The following CELSR2 variants were observed in gnomAD, a reference collection of about 807,000 sequenced individuals.
CELSR2 encodes the protein cadherin EGF LAG seven-pass G-type receptor 2, also known as EGF-like protein 2.
CELSR2 carries 81 observed loss-of-function variants against 251.6 expected under a neutral mutation model. The observed-to-expected ratio is 0.32, with a 90% CI of 0.27 to 0.39. The LOEUF (loss-of-function observed/expected upper bound fraction) is 0.39, where lower values mean the gene tolerates loss of function less well. Among genes scored for constraint, CELSR2 ranks in the 10% least tolerant of loss-of-function variants. CELSR2 has a pLI of 1.00. For missense variants in CELSR2, 3,365 were observed against 3,947.7 expected (o/e 0.85, Z 3.96); for synonymous variants, 1,721 against 1,670.5 (o/e 1.03, Z -0.74).
rs752380520 is a variant in CELSR2 at position 109,267,952 on chromosome 1, C to T, written c.6210C>T (p.Phe2070=). Reference sequence around the variant, plus strand: ...CCACGCAGCACACAGCTGGCTACTTCGGCAGCGACGTCAAGGTGGCCTACC... The same window carrying T: ...CCACGCAGCACACAGCTGGCTACTTTGGCAGCGACGTCAAGGTGGCCTACC... ...RNATQHTAGY[F]GSDVKVAYQL... The change falls in exon 17 of 34, where the codon TTC becomes TTT. Residue 2070 remains phenylalanine (F), a synonymous_variant. Coordinates refer to ENST00000271332, the MANE Select transcript of CELSR2 (RefSeq NM_001408.3). The T allele has an allele frequency of 2.2e-5, 36 of 1,611,606 alleles. No homozygotes were observed. In the Admixed American group the frequency reaches 2.5e-4, roughly 11 times the overall value.
chr1:109,259,611 C>T (rs591789), intron 2 of CELSR2, among the ~76,000 whole-genome samples: 15,124 of 152,116 alleles, frequency 0.099, 872 homozygotes, highest in African/African-American at 0.12. Context: ...CTGGTCTCTC[C>T]CCCACTGAGC....
In CELSR2 at chr1:109,274,058, C is replaced by T. The variant is rs367660647; in HGVS notation, c.*9C>T. On this transcript the variant is annotated 3_prime_UTR_variant, in exon 34 of 34. Coordinates refer to ENST00000271332, the MANE Select transcript of CELSR2 (RefSeq NM_001408.3). The stretch of plus-strand genomic sequence containing the variant: ...TTAACTTCCTGCATTAACCCTGGGC[C>T]GTGGTTCCTACGCCCGAGGCTCCCT... The T allele has an allele frequency of 4.1e-5, 66 of 1,613,978 alleles. No homozygotes were observed. The highest frequency in any genetic ancestry group is 9.9e-5 in the South Asian group (9 of 91,084).
chr1:109,263,561 G>C lies in CELSR2; in HGVS notation c.4835-50G>C, dbSNP rs551482607. ...CCACCGCTGAGCATCACAGCCCCAG[G>C]GCCCTCTGAGGCTCCACCCGTCACA... is the stretch of plus-strand genomic sequence containing the variant. On this transcript the variant is annotated intron_variant, in intron 8 of 33. Coordinates refer to ENST00000271332, the MANE Select transcript of CELSR2 (RefSeq NM_001408.3). 1.3e-5 allele frequency: 20 copies of C among 1,597,866 alleles called. No homozygotes were observed. In the East Asian group the frequency reaches 1.6e-4, roughly 12 times the overall value.
rs374947370 is a variant in CELSR2 at position 109,272,260 on chromosome 1, T to A, written c.7927-18T>A. ...CCATCCCACTCCCCACTTACTGACC[T>A]CTCTGTTCCCTGCCTAGTCCTACAA... On this transcript the variant is annotated intron_variant, in intron 28 of 33. Transcript: ENST00000271332. The A allele has an allele frequency of 8.2e-5, 128 of 1,561,004 alleles. No individual in the cohort carries two copies. The highest frequency in any genetic ancestry group is 1.1e-4 in the Non-Finnish European group (124 of 1,149,820).
In CELSR2 at chr1:109,258,977, G is replaced by A. The variant is rs768192595; in HGVS notation, c.3856G>A (p.Glu1286Lys). 4 of 1,609,642 alleles carry A rather than the reference G, an allele frequency of 2.5e-6. No homozygotes were observed. The highest frequency in any genetic ancestry group is 1.1e-5 in the South Asian group (1 of 91,010). Reference protein sequence around the residue: ...CPPGFTGDYCETEVDLCYSRP... With the variant: ...CPPGFTGDYCKTEVDLCYSRP... ...GCCCGGCTTCACGGGTGACTACTGCGAGACCGAGGTGGACCTCTGCTACTC... is the reference window on the plus strand; with the variant it reads ...GCCCGGCTTCACGGGTGACTACTGCAAGACCGAGGTGGACCTCTGCTACTC... The change falls in exon 2 of 34, where the codon GAG becomes AAG. Residue 1286 changes from glutamate (E) to lysine (K), a missense_variant. Transcript: ENST00000271332.
chr1:109,264,050 A>C, intron 9 of CELSR2, 28 bp from the exon 10 acceptor site: 1 of 1,547,654 alleles, frequency 6.5e-7, no homozygotes, highest in Non-Finnish European at 8.7e-7. Context: ...CCGTCTGCTG[A>C]CCCTGTTTTC....
rs35994599 is a variant in CELSR2, at chr1:109,266,559, A to ATTT, written c.6013+376_6013+378dup. 553 of 83,692 alleles carry ATTT rather than the reference A, an allele frequency of 6.6e-3. 19 individuals are homozygous for ATTT. Among genetic ancestry groups the ATTT allele is most frequent in the African/African-American group, 0.017 (306 of 17,828 alleles). 5.2% of individuals were successfully genotyped at this position (83,692 alleles called of 1,614,324 possible). A position where few individuals can be genotyped will look rare whatever the true frequency, so the allele number is the denominator to read the frequency against. ...CTCTGGCCGCCACCACACCTGGCTA[A>ATTT]TTTTTTTTTTTTTTTTTTTTTTTTT... On this transcript the variant is annotated intron_variant, in intron 15 of 33. Coordinates refer to ENST00000271332, the MANE Select transcript of CELSR2 (RefSeq NM_001408.3).
At position 109,272,272 on chromosome 1, in the gene CELSR2, G is replaced by C; in HGVS notation, c.7927-6G>C. On this transcript the variant is annotated splice_polypyrimidine_tract_variant and splice_region_variant and intron_variant, in intron 28 of 33. Coordinates refer to ENST00000271332, the MANE Select transcript of CELSR2 (RefSeq NM_001408.3). ...CCACTTACTGACCTCTCTGTTCCCT[G>C]CCTAGTCCTACAACTGCCCCAGCCC... 6.3e-7 allele frequency: 1 copy of C among 1,580,624 alleles called. No homozygotes were observed. The highest frequency in any genetic ancestry group is 1.1e-5 in the South Asian group (1 of 87,306).
rs748509981 is a variant in CELSR2 at position 109,251,722 on chromosome 1, G to A, written c.1643G>A (p.Gly548Glu). The A allele has an allele frequency of 6.2e-7, 1 of 1,613,952 alleles. No individual in the cohort carries two copies. The highest frequency in any genetic ancestry group is 1.7e-5 in the Admixed American group (1 of 59,984). ...ARLEYRLAGVGHDFPFTINNG... is the reference protein window; with the variant it reads ...ARLEYRLAGVEHDFPFTINNG... ...CTGGAATACCGCCTTGCTGGGGTGG[G>A]ACATGACTTCCCCTTCACCATCAAC... Residue 548 changes from glycine to glutamate, a missense_variant, in exon 1 of 34, where the codon GGA (glycine) becomes GAA (glutamate). Gly to Glu is a moderately conservative substitution (Grantham distance 98). Around this residue, in one of 5 missense-constraint regions of CELSR2, gnomAD observed 704 missense variants for 784.1 expected, o/e 0.90. Coordinates refer to ENST00000271332, the MANE Select transcript of CELSR2 (RefSeq NM_001408.3). This position sits in a 1 kb window ranked among gnomAD's most constrained non-coding sequence, Gnocchi z 4.9.
chr1:109,262,713 A>G, intron 6 of CELSR2, 93 bp from the exon 7 acceptor site: 1 of 1,556,106 alleles, frequency 6.4e-7, no homozygotes, highest in Non-Finnish European at 8.7e-7. Context: ...ACACCTGCCT[A>G]CGCCGTTCGT....
chr1:109,249,551 C>T lies in CELSR2; in HGVS notation c.-529C>T, dbSNP rs549825851. On this transcript the variant is annotated 5_prime_UTR_variant, in exon 1 of 34. Coordinates refer to ENST00000271332, the MANE Select transcript of CELSR2 (RefSeq NM_001408.3). Reference sequence around the variant, plus strand: ...CCGCCGCGACTCTGCAGAGCTCGCCCGCCCGCCGGGGAGGCGAGGGAGCGC... The same window carrying T: ...CCGCCGCGACTCTGCAGAGCTCGCCTGCCCGCCGGGGAGGCGAGGGAGCGC... 3.3e-5 allele frequency among the ~76,000 whole-genome samples: 5 copies of T among 150,620 alleles called. No individual in the cohort carries two copies. The East Asian group carries it at 9.9e-4, about 30-fold the overall frequency.
At position 109,251,342 on chromosome 1, in the gene CELSR2, C is replaced by G. The variant is rs1321240882; in HGVS notation, c.1263C>G (p.Val421=). The G allele has an allele frequency of 6.2e-7, 1 of 1,614,134 alleles. No individual in the cohort carries two copies. Among genetic ancestry groups the G allele is most frequent in the Non-Finnish European group, 8.5e-7 (1 of 1,180,030 alleles). ...CTCCAGGGGCCCCAGTACTCCGAGT[C>G]ACAGCCTCGGATCGAGACAAGGGGA... ...DVTPGAPVLR[V]TASDRDKGSN... Residue 421 remains valine (V), a synonymous_variant, in exon 1 of 34, where the codon GTC becomes GTG. Transcript: ENST00000271332. This position sits in a 1 kb window ranked among gnomAD's most constrained non-coding sequence, Gnocchi z 4.9.
chr1:109,271,033 C>G lies in CELSR2; in HGVS notation c.7590C>G (p.Ala2530=). ...IWSFAGPVAF[A]VSMSVFLYIL... is the part of the protein sequence containing the mutation. ...GTTTTGCTGGCCCGGTGGCCTTTGC[C>G]GTCTCGGTGAGTGCTAGCAGGTGGG... is the stretch of plus-strand genomic sequence containing the variant. The change falls in exon 25 of 34, where the codon GCC becomes GCG. Residue 2530 remains alanine (A), a synonymous_variant. Transcript: ENST00000271332. 6.2e-7 allele frequency: 1 copy of G among 1,612,750 alleles called. No individual in the cohort carries two copies. The highest frequency in any genetic ancestry group is 8.5e-7 in the Non-Finnish European group (1 of 1,179,292).
Position 109,252,234 on chromosome 1 carries a change from G to A in CELSR2, c.2155G>A (p.Val719Met). 4 of 1,613,586 alleles carry A rather than the reference G, an allele frequency of 2.5e-6. No individual in the cohort carries two copies. The highest frequency in any genetic ancestry group is 3.4e-6 in the Non-Finnish European group (4 of 1,180,036). ...RPVFQSSHYT[V>M]NVNEDRPAGT... ...TGTCTTTCAGAGCTCCCACTATACA[G>A]TGAATGTTAATGAGGACCGGCCGGC... The change falls in exon 1 of 34, where the codon GTG becomes ATG. Residue 719 changes from valine to methionine, a missense_variant. This residue lies in a region of CELSR2 where 505 missense variants were observed against 660.0 expected (regional missense o/e 0.77). Coordinates refer to ENST00000271332, the MANE Select transcript of CELSR2 (RefSeq NM_001408.3). The surrounding 1 kb of genome is among the most constrained non-coding windows in gnomAD (Gnocchi z 4.8).
intron 2 of CELSR2, 91 bp from the exon 3 acceptor site, chr1:109,260,950 AG>A: frequency 1.1e-6 from 1 of 926,134 alleles, no homozygotes; most frequent in East Asian, 2.5e-5. Context: ...GGGTCACGGG[AG>A]GCCATGGGAG....
chr1:109,273,395 T>TCTCCTGTGGCCGCACCTCACAGC (rs753472465), intron 32 of CELSR2, 41 bp from the exon 33 acceptor site: 3 of 1,607,936 alleles, frequency 1.9e-6, no homozygotes, highest in Non-Finnish European at 2.5e-6. Flanking sequence ...TACCTCACAT[T>TCTCCTGTGGCCGCACCTCACAGC]CTCCTGTGGC....
rs746951613 is a variant in CELSR2, at chr1:109,264,569, G to C, written c.5405G>C (p.Cys1802Ser). The change falls in exon 11 of 34, where the codon TGT becomes TCT. Residue 1802 changes from cysteine (C) to serine (S), a missense_variant. Coordinates refer to ENST00000271332, the MANE Select transcript of CELSR2 (RefSeq NM_001408.3). ...SLPDPCDSNP[C>S]PANSYCSNDW... ...CCTGACCCTTGTGACTCAAACCCGT[G>C]TCCTGCTAACAGCTATTGCAGCAAC... 1.9e-6 allele frequency: 3 copies of C among 1,614,208 alleles called. No homozygotes were observed. The Admixed American group carries it at 5.0e-5, about 27-fold the overall frequency.
At chr1:109,267,077 G>A (rs568260508) in intron 15 of CELSR2, among the ~76,000 whole-genome samples, 1 of 152,240 alleles carries the variant, frequency 6.6e-6, no homozygotes, top group African/African-American at 2.4e-5. Flanking sequence ...TTGGCATAGG[G>A]CTGTGCTAGA....
Position 109,268,952 on chromosome 1 carries a change from G to A in CELSR2, c.6575G>A (p.Gly2192Glu). The A allele has an allele frequency of 6.2e-6, 10 of 1,613,652 alleles. No homozygotes were observed. Among genetic ancestry groups the A allele is most frequent in the Non-Finnish European group, 8.5e-6 (10 of 1,179,700 alleles). ...CTGCCCCGCTACGAGGCCCTGCGTG[G>A]GGAGCAGCCCCCGGACCTTGAGACA... ...AKLPRYEALR[G>E]EQPPDLETTV... Residue 2192 changes from glycine (G) to glutamate (E), a missense_variant, in exon 19 of 34, where the codon GGG becomes GAG. Physicochemically the swap from Gly to Glu is moderately conservative, Grantham distance 98 (BLOSUM62 -2). Around this residue, in one of 5 missense-constraint regions of CELSR2, gnomAD observed 2,093 missense variants for 2,382.8 expected, o/e 0.88. Transcript: ENST00000271332.
Sources: allele counts gnomAD v4.1 joint callset (sites outside exome capture counted in the v4.1 genomes callset), GRCh38; gene constraint gnomAD v4.1.1; regional missense constraint gnomAD v4.1.1; non-coding constraint Gnocchi (gnomAD v3.1); transcripts MANE v1.5; gene names NCBI Gene and HGNC (gene_info 2026-07-23, HGNC 2026-07-21).